Variants in ST3GAL2 observed in about 807,000 individuals in gnomAD.
ST3GAL2 encodes the protein ST3 beta-galactoside alpha-2,3-sialyltransferase 2.
A neutral mutation model predicts 37.5 loss-of-function variants in ST3GAL2; 16 were observed. That is an observed-to-expected ratio of 0.43 (90% CI 0.29 to 0.65). ST3GAL2 has a LOEUF of 0.65. Among genes scored for constraint, ST3GAL2 ranks in the 30% least tolerant of loss-of-function variants. ST3GAL2 has a pLI of 0.17. For synonymous variants in ST3GAL2, 238 were observed against 202.9 expected, an observed-to-expected ratio of 1.17 and a Z score of -1.47; for missense variants, 383 against 487.8, an observed-to-expected ratio of 0.79 and a Z score of 2.02.
chr16:70,428,390 G>A (rs1455090801), intron 1 of ST3GAL2, among the ~76,000 whole-genome samples: 3 of 152,220 alleles, frequency 2.0e-5, no homozygotes, highest in Non-Finnish European at 4.4e-5. Flanking sequence ...CAAAACTCAA[G>A]GAGTCTATCT....
At chr16:70,432,025 TGTA>T (rs2151681453) in intron 1 of ST3GAL2, among the ~76,000 whole-genome samples, 1 of 151,346 alleles carries the variant, frequency 6.6e-6, no homozygotes, top group South Asian at 2.1e-4. Flanking sequence ...AGTGTACACC[TGTA>T]GTTGCTGCAG....
chr16:70,415,762 CTTTTTTTTTTTTT>C (rs1203693372), intron 1 of ST3GAL2, among the ~76,000 whole-genome samples: 2 of 115,940 alleles, frequency 1.7e-5, no homozygotes, highest in African/African-American at 6.5e-5. Context: ...TTCCAAGATT[CTTTTTTTTTTTTT>C]TTTTTTTCTT....
At chr16:70,389,297 T>G (rs897011162) in intron 3 of ST3GAL2, among the ~76,000 whole-genome samples, 6 of 151,018 alleles carry the variant, frequency 4.0e-5, no homozygotes, top group African/African-American at 1.5e-4. Context: ...TTTTTATTTA[T>G]TTACTTTTAA....
intron 6 of ST3GAL2, among the ~76,000 whole-genome samples, chr16:70,382,573 C>T (rs867833030): frequency 6.6e-6 from 1 of 152,190 alleles, no homozygotes; most frequent in African/African-American, 2.4e-5. Context: ...CGTCAGCCAC[C>T]GCGCACGGCC....
At chr16:70,412,239 G>A (rs2047643131) in intron 1 of ST3GAL2, among the ~76,000 whole-genome samples, 1 of 152,204 alleles carries the variant, frequency 6.6e-6, no homozygotes, top group African/African-American at 2.4e-5. Flanking sequence ...TTGACAAGGA[G>A]CTTCTCTAAG....
chr16:70,412,845 G>A (rs998711920), intron 1 of ST3GAL2, among the ~76,000 whole-genome samples: 6 of 151,462 alleles, frequency 4.0e-5, no homozygotes, highest in Non-Finnish European at 8.8e-5. Flanking sequence ...TCAGGAGTTC[G>A]AGACCAGCTT....
chr16:70,429,720 T>C (rs28491205), intron 1 of ST3GAL2, among the ~76,000 whole-genome samples: 1 of 147,206 alleles, frequency 6.8e-6, no homozygotes, highest in African/African-American at 2.5e-5. Context: ...CGGCTCACTG[T>C]AACCTCCACC....
chr16:70,415,580 T>C (rs900168401), intron 1 of ST3GAL2, among the ~76,000 whole-genome samples: 2 of 151,760 alleles, frequency 1.3e-5, no homozygotes, highest in African/African-American at 4.8e-5. Context: ...GCCTCCTGAG[T>C]AGCTGGGACT....
intron 3 of ST3GAL2, among the ~76,000 whole-genome samples, chr16:70,393,151 T>A (rs1239239419): frequency 1.3e-5 from 2 of 151,646 alleles, no homozygotes; most frequent in African/African-American, 4.9e-5. Context: ...AATGGCATGA[T>A]CTTGGCTCAC....
At chr16:70,407,121 G>C (rs2047597840) in intron 1 of ST3GAL2, among the ~76,000 whole-genome samples, 1 of 151,656 alleles carries the variant, frequency 6.6e-6, no homozygotes. Context: ...GGGAAATTTA[G>C]GAGGTGGCAA....
intron 1 of ST3GAL2, among the ~76,000 whole-genome samples, chr16:70,410,274 G>A (rs1319296638): frequency 1.0e-3 from 35 of 33,604 alleles, no homozygotes; most frequent in African/African-American, 8.8e-3. Flanking sequence ...TTTTTGAGAC[G>A]GAGTCTCACC....
intron 2 of ST3GAL2, among the ~76,000 whole-genome samples, chr16:70,395,538 T>C (rs542950180): frequency 2.6e-5 from 4 of 152,268 alleles, no homozygotes; most frequent in Non-Finnish European, 4.4e-5. Context: ...GGATCCTTCC[T>C]GGTCAGCCTA....
rs1025410730 is a variant in ST3GAL2 at position 70,438,997 on chromosome 16, CCGCCGCCGCCCGCGCAGAAAGCCGT to C, written c.-1077_-1053del. On this transcript the variant is annotated 5_prime_UTR_variant, in exon 1 of 7. Coordinates refer to ENST00000342907, the MANE Select transcript of ST3GAL2 (RefSeq NM_006927.4). ...CGGGCCATGCTCGCCGCTCCGGCCG[CCGCCGCCGCCCGCGCAGAAAGCCGT>C]CGCCGCCGCCGCCGCCGCCGCCGCC... The C allele has an allele frequency of 1.1e-4, 18 of 159,108 alleles. No individual in the cohort carries two copies. Among genetic ancestry groups the C allele is most frequent in the African/African-American group, 3.7e-4 (15 of 41,078 alleles). 9.9% of individuals were successfully genotyped at this position (159,108 alleles called of 1,614,324 possible). A position where few individuals can be genotyped will look rare whatever the true frequency, so the allele number is the denominator to read the frequency against.
At chr16:70,408,890 C>CAAAAGAAAAAAAAAAAAA (rs2047613111) in intron 1 of ST3GAL2, among the ~76,000 whole-genome samples, 1 of 59,854 alleles carries the variant, frequency 1.7e-5, no homozygotes, top group Non-Finnish European at 3.5e-5. Context: ...CTCAAAGAAA[C>CAAAAGAAAAAAAAAAAAA]AAAAAAAAAA....
intron 3 of ST3GAL2, among the ~76,000 whole-genome samples, chr16:70,390,249 T>C (rs2047473913): frequency 6.6e-6 from 1 of 152,046 alleles, no homozygotes; most frequent in African/African-American, 2.4e-5. Context: ...TTGTTTTCTG[T>C]TTTGTAGAGA....
rs199733390 is a variant in ST3GAL2 at position 70,394,969 on chromosome 16, C to T, written c.533+13G>A. 4.0e-5 allele frequency: 65 copies of T among 1,610,494 alleles called. No individual in the cohort carries two copies. Among genetic ancestry groups the T allele is most frequent in the Non-Finnish European group, 1.8e-5 (21 of 1,178,922 alleles). The stretch of plus-strand genomic sequence containing the variant: ...CCATCCTGAGCCCACCCTTGGGCTC[C>T]ACAGGGGCTCACCTCATGATGAAGT... On this transcript the variant is annotated intron_variant, in intron 3 of 6. Transcript: ENST00000342907.
In ST3GAL2 at chr16:70,399,543, CAG is replaced by C. The variant is rs2047541334; in HGVS notation, c.-1003-12_-1003-11del. 1 of 397,698 alleles carries C rather than the reference CAG, an allele frequency of 2.5e-6. No individual in the cohort carries two copies. Among genetic ancestry groups the C allele is most frequent in the Non-Finnish European group, 4.4e-6 (1 of 226,098 alleles). 24.6% of individuals were successfully genotyped at this position (397,698 alleles called of 1,614,324 possible). A position where few individuals can be genotyped will look rare whatever the true frequency, so the allele number is the denominator to read the frequency against. Reference sequence around the variant, plus strand: ...CTGCCGCAGCACGACCCTAGAATGGCAGAGAGGAGAAATAATGTGCGGATGAA... The same window carrying C: ...CTGCCGCAGCACGACCCTAGAATGGCAGAGGAGAAATAATGTGCGGATGAA... On this transcript the variant is annotated splice_polypyrimidine_tract_variant and intron_variant, in intron 1 of 6. Coordinates refer to ENST00000342907, the MANE Select transcript of ST3GAL2 (RefSeq NM_006927.4).
chr16:70,424,764 A>G (rs16970165), intron 1 of ST3GAL2, among the ~76,000 whole-genome samples: 12,321 of 152,226 alleles, frequency 0.081, 1,660 homozygotes, highest in African/African-American at 0.28. Context: ...TTTAACTCAG[A>G]TGCCTGTGGG....
chr16:70,431,919 G>C (rs959806516), intron 1 of ST3GAL2, among the ~76,000 whole-genome samples: 2 of 151,706 alleles, frequency 1.3e-5, no homozygotes, highest in African/African-American at 2.4e-5. Flanking sequence ...AGCCGAGATG[G>C]CGCCACTGCA....
Sources: allele counts gnomAD v4.1 joint callset (sites outside exome capture counted in the v4.1 genomes callset), GRCh38; gene constraint gnomAD v4.1.1; transcripts MANE v1.5; gene names NCBI Gene and HGNC (gene_info 2026-07-23, HGNC 2026-07-21).